S100A13: variants seen among roughly 807,000 people sequenced by gnomAD.
The protein encoded by S100A13 is protein S100-A13.
Under a neutral mutation model 8.2 loss-of-function variants are expected in S100A13, and 6 were observed. The ratio of observed to expected loss-of-function variants is 0.73; its 90% CI spans 0.40 to 1.44. S100A13 has a LOEUF of 1.44. Ranked by LOEUF, S100A13 falls within the 40% of genes most tolerant of loss-of-function variation. The probability of loss-of-function intolerance (pLI) is 0.02; values close to 1 mark genes in which losing one functional copy is unlikely to be tolerated. For missense variants in S100A13, 114 were observed against 113.6 expected, an observed-to-expected ratio of 1.00 and a Z score of -0.02; for synonymous variants, 39 against 45.9, an observed-to-expected ratio of 0.85 and a Z score of 0.61.
upstream of S100A13, chr1:153,631,195 T>C: frequency 2.3e-6 from 1 of 441,850 alleles, no homozygotes; most frequent in Non-Finnish European, 4.0e-6. Context: ...TGTAGAAAAC[T>C]AGGCTGCTAA....
At chr1:153,631,434 A>ATAC (rs1668001802), upstream of S100A13, 28 of 1,542,772 alleles carry the variant, frequency 1.8e-5, no homozygotes, top group Non-Finnish European at 2.5e-5. Context: ...AGTGCTTGTA[A>ATAC]AGCTCCTAGT....
intron 2 of S100A13, among the ~76,000 whole-genome samples, chr1:153,620,375 C>T (rs768848920): frequency 2.0e-5 from 3 of 151,070 alleles, no homozygotes; most frequent in Non-Finnish European, 2.9e-5. Flanking sequence ...TCAGAAGAAT[C>T]GCTTGAGTGT....
chr1:153,631,636 G>A (rs1046381), upstream of S100A13: 896,571 of 1,612,924 alleles, frequency 0.56, 251,827 homozygotes, highest in Admixed American at 0.71. Context: ...CCACCCCCTT[G>A]CCTCTGACTC....
chr1:153,618,848 G>C lies in S100A13; in HGVS notation c.*47C>G, dbSNP rs182112188. 40 of 1,591,768 alleles carry C rather than the reference G, an allele frequency of 2.5e-5. No individual in the cohort carries two copies. Among genetic ancestry groups the C allele is most frequent in the Non-Finnish European group, 3.4e-5 (40 of 1,163,974 alleles). ...ATTTGGGAAGAGTGCGGTTCTGCTC[G>C]GCCCTGATCAGCTCTGCCCTGCCCA... On this transcript the variant is annotated 3_prime_UTR_variant, in exon 3 of 3. Transcript: ENST00000476133.
chr1:153,626,357 T>G lies in S100A13; in HGVS notation c.116A>C (p.Lys39Thr). 1.2e-6 allele frequency: 2 copies of G among 1,614,188 alleles called. No individual in the cohort carries two copies. The highest frequency in any genetic ancestry group is 1.7e-6 in the Non-Finnish European group (2 of 1,180,012). ...GGGCAACTGCTGGGTAACCAGCTCTTTGAACTCGTTGACGCTGAGGCTATC... is the reference window on the plus strand; with the variant it reads ...GGGCAACTGCTGGGTAACCAGCTCTGTGAACTCGTTGACGCTGAGGCTATC... ...RKDSLSVNEF[K>T]ELVTQQLPHL... Residue 39 changes from lysine to threonine, a missense_variant, in exon 2 of 3, where the codon AAA becomes ACA. By Grantham distance (78) the Lys-to-Thr change is moderately conservative. Transcript: ENST00000476133.
chr1:153,623,674 G>A (rs1176033972), intron 2 of S100A13, among the ~76,000 whole-genome samples: 1 of 152,304 alleles, frequency 6.6e-6, no homozygotes, highest in South Asian at 2.1e-4. Flanking sequence ...AAGATGTACT[G>A]AGCTTTGAGG....
chr1:153,633,965 C>T (rs1668190734), upstream of S100A13: 1 of 152,336 alleles, frequency 6.6e-6, no homozygotes, highest in South Asian at 2.1e-4. Flanking sequence ...GACCTCTGCG[C>T]AGGCGTAGCT....
chr1:153,627,972 G>A (rs577172067), upstream of S100A13: 80 of 1,483,174 alleles, frequency 5.4e-5, no homozygotes, highest in Non-Finnish European at 6.9e-5. Context: ...GGGGGATCCA[G>A]GTTGAGACCC....
chr1:153,623,690 A>T (rs1243426872), intron 2 of S100A13, among the ~76,000 whole-genome samples: 1 of 152,224 alleles, frequency 6.6e-6, no homozygotes, highest in African/African-American at 2.4e-5. Flanking sequence ...TGAGGAGAGA[A>T]GACAAATTGT....
chr1:153,627,217 G>C (rs1177177421), intron 1 of S100A13: 1 of 152,386 alleles, frequency 6.6e-6, no homozygotes, highest in Admixed American at 6.5e-5. Context: ...CCGGTGACAA[G>C]GGTCCTGGAA....
upstream of S100A13, chr1:153,627,535 AGCAGCGGGG>A: frequency 6.5e-6 from 1 of 154,264 alleles, no homozygotes; most frequent in Admixed American, 6.3e-5. Context: ...GAGGTTTATA[AGCAGCGGGG>A]AAGGAGGAGA....
intron 2 of S100A13, among the ~76,000 whole-genome samples, chr1:153,622,351 A>G (rs1181301538): frequency 6.6e-6 from 1 of 152,236 alleles, no homozygotes; most frequent in Non-Finnish European, 1.5e-5. Context: ...AGCCTGGGTG[A>G]AAGAGCAAGA....
intron 2 of S100A13, among the ~76,000 whole-genome samples, chr1:153,624,975 T>C (rs1169408821): frequency 2.0e-5 from 3 of 152,142 alleles, no homozygotes; most frequent in Non-Finnish European, 4.4e-5. Flanking sequence ...CTCATGAGGC[T>C]GAGGTAAGAG....
At chr1:153,628,018 G>T, upstream of S100A13, 5 of 1,549,408 alleles carry the variant, frequency 3.2e-6, no homozygotes, top group South Asian at 2.4e-5. Flanking sequence ...CCCTCTGTGG[G>T]TTCTCAGACT....
At chr1:153,632,563 G>C (rs1248574394), upstream of S100A13, among the ~76,000 whole-genome samples, 1 of 152,080 alleles carries the variant, frequency 6.6e-6, no homozygotes, top group Non-Finnish European at 1.5e-5. Flanking sequence ...GAGCCACCGC[G>C]CTAGGCCGAA....
chr1:153,627,980 C>A (rs944932745), upstream of S100A13: 2 of 1,501,010 alleles, frequency 1.3e-6, no homozygotes, highest in African/African-American at 1.4e-5. Flanking sequence ...CAGGTTGAGA[C>A]CCCCAGAGAA....
At chr1:153,621,624 C>T (rs560607100) in intron 2 of S100A13, among the ~76,000 whole-genome samples, 1 of 150,508 alleles carries the variant, frequency 6.6e-6, no homozygotes, top group Non-Finnish European at 1.5e-5. Context: ...CCGCTCGGGT[C>T]TCTCACACTG....
upstream of S100A13, chr1:153,628,320 T>C: frequency 3.3e-6 from 5 of 1,516,832 alleles, no homozygotes; most frequent in Non-Finnish European, 4.4e-6. Context: ...AGGGCGCCTC[T>C]GTCTGCTCCT....
At chr1:153,628,699 G>A (rs755406484), upstream of S100A13, 130 of 901,790 alleles carry the variant, frequency 1.4e-4, no homozygotes, top group South Asian at 1.8e-4. Flanking sequence ...ACTGAAGGTC[G>A]GAGAGAGAGC....
Sources: allele counts gnomAD v4.1 joint callset (sites outside exome capture counted in the v4.1 genomes callset), GRCh38; gene constraint gnomAD v4.1.1; transcripts MANE v1.5; gene names NCBI Gene and HGNC (gene_info 2026-07-23, HGNC 2026-07-21).